The following NEB variants were observed in gnomAD, a reference collection of about 807,000 sequenced individuals.
NEB encodes nebulin, also known as nemaline myopathy type 2.
Under a neutral mutation model 952.2 loss-of-function variants are expected in NEB, and 512 were observed. That is an observed-to-expected ratio of 0.54 (90% confidence interval 0.50 to 0.58). The LOEUF (loss-of-function observed/expected upper bound fraction) is 0.58, where lower values mean the gene tolerates loss of function less well. Ranked by LOEUF, NEB falls within the 20% of genes least tolerant of loss-of-function variation. The probability of loss-of-function intolerance (pLI) is 0.00; values close to 1 mark genes in which losing one functional copy is unlikely to be tolerated. For missense variants in NEB, 8,428 were observed against 9,231.1 expected, an observed-to-expected ratio of 0.91 and a Z score of 3.56; for synonymous variants, 2,900 against 3,149.8, an observed-to-expected ratio of 0.92 and a Z score of 2.66.
Position 151,554,911 on chromosome 2 carries a change from G to T in NEB, c.19428+20C>A. The T allele has an allele frequency of 2.0e-6, 3 of 1,504,030 alleles. No homozygotes were observed. Among genetic ancestry groups the T allele is most frequent in the Non-Finnish European group, 1.9e-6 (2 of 1,079,728 alleles). 93.2% of individuals were successfully genotyped at this position (1,504,030 alleles called of 1,614,324 possible). ...CTCAGAATGTATCCTAGTCATTAAG[G>T]GGCGCATGACCGTACTTACATCGAT... is the stretch of plus-strand genomic sequence containing the variant. On this transcript the variant is annotated intron_variant, in intron 125 of 181. Transcript: ENST00000397345.
chr2:151,533,581 A>C, intron 142 of NEB, 35 bp from the exon 143 acceptor site: 1 of 1,376,980 alleles, frequency 7.3e-7, no homozygotes, highest in South Asian at 1.2e-5. Context: ...CACAAAAGAG[A>C]CTTATGAAGA....
Position 151,505,577 on chromosome 2 carries a change from A to C in NEB, c.23650-7T>G, listed in dbSNP as rs771206029. 2 of 1,607,264 alleles carry C rather than the reference A, an allele frequency of 1.2e-6. No homozygotes were observed. The highest frequency in any genetic ancestry group is 1.7e-5 in the Admixed American group (1 of 59,994). On this transcript the variant is annotated splice_polypyrimidine_tract_variant and splice_region_variant and intron_variant, in intron 164 of 181. Coordinates refer to ENST00000397345, the MANE Select transcript of NEB (RefSeq NM_001164508.2). ...TTGCTTCCTTATACTTCACCTGCAG[A>C]TTTAAAAATGGGAAAAGAAAGGTAT...
Position 151,506,952 on chromosome 2 carries a change from G to C in NEB, c.23513C>G (p.Pro7838Arg). The change falls in exon 163 of 182, where the codon CCA (proline) becomes CGA (arginine). Residue 7838 changes from proline to arginine, a missense_variant. Pro to Arg is a moderately radical substitution (Grantham distance 103). Coordinates refer to ENST00000397345, the MANE Select transcript of NEB (RefSeq NM_001164508.2). ...ATTTTCTTTTACACGCAGTATTTCT[G>C]GCGTGTCTTGAACAACTGTAATTTT... ...KGKITVVQDT[P>R]EILRVKENQK... 6.2e-7 allele frequency: 1 copy of C among 1,611,458 alleles called. No individual in the cohort carries two copies. The highest frequency in any genetic ancestry group is 8.5e-7 in the Non-Finnish European group (1 of 1,178,372).
Position 151,640,506 on chromosome 2 carries a change from C to G in NEB, c.8534G>C (p.Ser2845Thr). ...DFEKWKTKFS[S>T]PVDMLGVVLA... ...CACCACCCCCAGCATGTCCACTGGG[C>G]TGCTGAACTTGGTCTTCCACTTCTC... is the stretch of plus-strand genomic sequence containing the variant. The change falls in exon 61 of 182, where the codon AGC (serine) becomes ACC (threonine). Residue 2845 changes from serine (S) to threonine (T), a missense_variant. By Grantham distance (58) the Ser-to-Thr change is moderately conservative. This residue lies in a region of NEB where 1,772 missense variants were observed against 1,960.3 expected (regional missense o/e 0.90). Transcript: ENST00000397345. The G allele has an allele frequency of 6.2e-7, 1 of 1,613,950 alleles. No homozygotes were observed. The highest frequency in any genetic ancestry group is 1.1e-5 in the South Asian group (1 of 91,078).
rs1400154288 is a variant in NEB, at chr2:151,666,310, T to C, written c.4811A>G (p.Asn1604Ser). The C allele has an allele frequency of 1.9e-6, 3 of 1,613,914 alleles. No individual in the cohort carries two copies. Among genetic ancestry groups the C allele is most frequent in the Non-Finnish European group, 2.5e-6 (3 of 1,179,860 alleles). ...ACGATCAGACTGGATTTTGGCCACATTCATGTAGTGAACCAGTTTAGGATC... is the reference window on the plus strand; with the variant it reads ...ACGATCAGACTGGATTTTGGCCACACTCATGTAGTGAACCAGTTTAGGATC... ...QDDPKLVHYM[N>S]VAKIQSDREY... The change falls in exon 41 of 182, where the codon AAT (asparagine) becomes AGT (serine). Residue 1604 changes from asparagine (N) to serine (S), a missense_variant. Physicochemically the swap from Asn to Ser is conservative, Grantham distance 46. Around this residue, in one of 11 missense-constraint regions of NEB, gnomAD observed 2,851 missense variants for 2,791.5 expected, o/e 1.02. Transcript: ENST00000397345.
At chr2:151,551,558 A>G (rs950462969) in intron 129 of NEB, among the ~76,000 whole-genome samples, 180 bp downstream of exon 129, 2 of 152,294 alleles carry the variant, frequency 1.3e-5, no homozygotes, top group South Asian at 2.1e-4. Flanking sequence ...ATTGCTCCAT[A>G]GGGGGATCCT....
chr2:151,613,265 T>A (rs537774772), intron 77 of NEB, among the ~76,000 whole-genome samples: 23 of 152,316 alleles, frequency 1.5e-4, no homozygotes, highest in Admixed American at 5.9e-4. Context: ...GTTTTCAAGT[T>A]TCTTAGAAAA....
At chr2:151,556,744 A>C (rs13393021) in intron 124 of NEB, among the ~76,000 whole-genome samples, 46,846 of 150,412 alleles carry the variant, frequency 0.31, 7,558 homozygotes, top group East Asian at 0.45. Flanking sequence ...GAGACTTAGA[A>C]TGCAACACAA....
intron 3 of NEB, among the ~76,000 whole-genome samples, chr2:151,732,346 A>G (rs945440561): frequency 6.6e-6 from 1 of 152,240 alleles, no homozygotes; most frequent in African/African-American, 2.4e-5. Flanking sequence ...CCGTAAGATG[A>G]TAAAAACAAA....
At chr2:151,634,013 G>C in intron 64 of NEB, 48 bp from the exon 65 acceptor site, 1 of 1,564,660 alleles carries the variant, frequency 6.4e-7, no homozygotes, top group South Asian at 1.2e-5. Flanking sequence ...CCCCTTAGAG[G>C]CCACAAGTCT....
At position 151,565,599 on chromosome 2, in the gene NEB, A is replaced by T. The variant is rs899427167; in HGVS notation, c.18268T>A (p.Tyr6090Asn). Residue 6090 changes from tyrosine to asparagine, a missense_variant, in exon 116 of 182, where the codon TAT (tyrosine) becomes AAT (asparagine). Physicochemically the swap from Tyr to Asn is moderately radical, Grantham distance 143 (BLOSUM62 -2). Coordinates refer to ENST00000397345, the MANE Select transcript of NEB (RefSeq NM_001164508.2). Reference sequence around the variant, plus strand: ...TAGTTTTCAAGGGCATTTTTCTTATATTTGATCTGTAAAGAAACGGAGACA... The same window carrying T: ...TAGTTTTCAAGGGCATTTTTCTTATTTTTGATCTGTAAAGAAACGGAGACA... ...KNQEMMSQIK[Y>N]KKNALENYPN... is the part of the protein sequence containing the mutation. 1 of 1,588,900 alleles carries T rather than the reference A, an allele frequency of 6.3e-7. No individual in the cohort carries two copies. The highest frequency in any genetic ancestry group is 8.6e-7 in the Non-Finnish European group (1 of 1,160,378).
chr2:151,720,453 T>C (rs1028224997), intron 9 of NEB, among the ~76,000 whole-genome samples: 13 of 152,214 alleles, frequency 8.5e-5, no homozygotes, highest in Admixed American at 8.5e-4. Flanking sequence ...TGGTCTGCAA[T>C]TAAAATAAAA....
At chr2:151,609,697 C>T (rs1047435136) in intron 81 of NEB, 112 bp downstream of exon 81, 5 of 966,558 alleles carry the variant, frequency 5.2e-6, no homozygotes, top group Non-Finnish European at 7.4e-6. Context: ...CCAGCCCCAC[C>T]CCCAGGTTTG....
chr2:151,527,007 C>G lies in NEB; in HGVS notation c.21856G>C (p.Asp7286His). The change falls in exon 148 of 182, where the codon GAC (aspartate) becomes CAC (histidine). Residue 7286 changes from aspartate (D) to histidine (H), a missense_variant. By Grantham distance (81) the Asp-to-His change is moderately conservative. Transcript: ENST00000397345. ...TTGCAACCCTTGAGGAACTCCCGGT[C>G]CAGCTTATATTCAAACTGTGATAGA... ...LQQSDFEYKL[D>H]REFLKGCKLS... 6.3e-7 allele frequency: 1 copy of G among 1,595,644 alleles called. No individual in the cohort carries two copies. The highest frequency in any genetic ancestry group is 8.6e-7 in the Non-Finnish European group (1 of 1,169,280).
In NEB at chr2:151,569,361, C is replaced by T; in HGVS notation, c.17442G>A (p.Lys5814=). The T allele has an allele frequency of 3.1e-6, 5 of 1,613,808 alleles. No homozygotes were observed. Among genetic ancestry groups the T allele is most frequent in the South Asian group, 1.1e-5 (1 of 91,086 alleles). ...AYELQSDNVY[K]ADLEWLRGIG... ...TTCCACGCAACCATTCCAAGTCAGCCTTGTAAACATTCTGTGAAAACAGGG... is the reference window on the plus strand; with the variant it reads ...TTCCACGCAACCATTCCAAGTCAGCTTTGTAAACATTCTGTGAAAACAGGG... Residue 5814 remains lysine, a synonymous_variant, in exon 110 of 182, where the codon AAG becomes AAA. Coordinates refer to ENST00000397345, the MANE Select transcript of NEB (RefSeq NM_001164508.2).
At chr2:151,675,517 AT>A (rs1488054354) in intron 34 of NEB, 126 bp from the exon 35 acceptor site, 9 of 628,442 alleles carry the variant, frequency 1.4e-5, no homozygotes, top group Non-Finnish European at 2.2e-5. Context: ...GCATTTTCCT[AT>A]TTTTTTAAAT....
In NEB at chr2:151,644,121, G is replaced by A. The variant is rs754394858; in HGVS notation, c.7653C>T (p.Tyr2551=). 6.2e-7 allele frequency: 1 copy of A among 1,613,152 alleles called. No homozygotes were observed. The highest frequency in any genetic ancestry group is 1.1e-5 in the South Asian group (1 of 91,056). ...CGAGCTGCTTGCGAAAGCCTTCCTT[G>A]TACTTGTACTAGAGAAAAAAAATGT... ...ASREIASEYK[Y]KEGFRKQLGH... is the part of the protein sequence containing the mutation. The change falls in exon 57 of 182, where the codon TAC becomes TAT. Residue 2551 remains tyrosine (Y), a synonymous_variant. Coordinates refer to ENST00000397345, the MANE Select transcript of NEB (RefSeq NM_001164508.2).
At chr2:151,723,168 G>T (rs1013226978) in intron 9 of NEB, among the ~76,000 whole-genome samples, 6 of 152,278 alleles carry the variant, frequency 3.9e-5, no homozygotes, top group Non-Finnish European at 7.3e-5. Flanking sequence ...CCTATAAGAA[G>T]AGGGAACTGG....
intron 143 of NEB, among the ~76,000 whole-genome samples, chr2:151,532,914 C>CTG (rs1559621935): frequency 1.3e-5 from 2 of 152,040 alleles, no homozygotes; most frequent in African/African-American, 4.8e-5. Flanking sequence ...CACTGTTAAC[C>CTG]TGTGTGTGTG....
Sources: gnomAD v4.1 joint callset for allele counts (sites outside exome capture counted in the v4.1 genomes callset) on GRCh38, gnomAD v4.1.1 for gene constraint, gnomAD v4.1.1 regional missense constraint, MANE v1.5 for transcripts, NCBI Gene and HGNC (gene_info 2026-07-23, HGNC 2026-07-21) for gene names.